SHTN1: variants seen among roughly 807,000 people sequenced by gnomAD.
SHTN1 encodes the protein shootin-1.
SHTN1 carries 42 observed loss-of-function variants against 83.1 expected under a neutral mutation model. The observed-to-expected ratio is 0.51, with a 90% CI of 0.39 to 0.65. The LOEUF is 0.65. SHTN1 is among the 30% of genes least tolerant of loss of function. SHTN1 has a pLI of 0.00. For synonymous variants in SHTN1, 224 were observed against 247.7 expected (o/e 0.90, Z 0.90); for missense variants, 622 against 737.8 (o/e 0.84, Z 1.82).
At chr10:116,908,284 TTTA>T (rs1480705017) in intron 14 of SHTN1, among the ~76,000 whole-genome samples, 1 of 152,230 alleles carries the variant, frequency 6.6e-6, no homozygotes, top group Admixed American at 6.5e-5. Flanking sequence ...TTATTTTTCA[TTTA>T]TTGTGTAAAT....
intron 1 of SHTN1, among the ~76,000 whole-genome samples, chr10:117,049,598 T>C (rs116805153): frequency 8.6e-4 from 131 of 152,294 alleles, no homozygotes; most frequent in African/African-American, 2.8e-3. Flanking sequence ...TAAATGTTTG[T>C]TGAATGAATG....
chr10:116,966,687 G>A (rs1282838526), intron 3 of SHTN1, among the ~76,000 whole-genome samples: 1 of 152,166 alleles, frequency 6.6e-6, no homozygotes, highest in East Asian at 1.9e-4. Context: ...AATGCAGGAG[G>A]CAAAGTCCCT....
At chr10:116,891,512 A>C (rs1425055655) in intron 16 of SHTN1, among the ~76,000 whole-genome samples, 1 of 152,180 alleles carries the variant, frequency 6.6e-6, no homozygotes, top group Non-Finnish European at 1.5e-5. Flanking sequence ...AGGACAGAAA[A>C]CAGAAAGATT....
intron 1 of SHTN1, among the ~76,000 whole-genome samples, chr10:117,065,711 GA>G (rs1852968111): frequency 1.3e-5 from 1 of 74,354 alleles, no homozygotes; most frequent in Non-Finnish European, 3.1e-5. Context: ...AAGCGAGAGA[GA>G]GAGAGAGAGA....
In SHTN1 at chr10:116,948,958, C is replaced by T; in HGVS notation, c.574G>A (p.Glu192Lys). Residue 192 changes from glutamate (E) to lysine (K), a missense_variant, in exon 7 of 17, where the codon GAA becomes AAA. This residue lies in a region of SHTN1 where 383 missense variants were observed against 455.8 expected (regional missense o/e 0.84). Coordinates refer to ENST00000355371, the MANE Select transcript of SHTN1 (RefSeq NM_001127211.3). ...AAGACTTTTCTCTGTTCAAGAACTT[C>T]TGAATTTAAAACAGTCTTTTCTTGT... ...VKQEKTVLNS[E>K]VLEQRKVLEK... 6.3e-7 allele frequency: 1 copy of T among 1,574,918 alleles called. No homozygotes were observed. The highest frequency in any genetic ancestry group is 8.6e-7 in the Non-Finnish European group (1 of 1,161,190).
At chr10:116,948,545 T>C (rs1338640528) in intron 7 of SHTN1, among the ~76,000 whole-genome samples, 2 of 152,166 alleles carry the variant, frequency 1.3e-5, no homozygotes, top group Non-Finnish European at 2.9e-5. Flanking sequence ...ATGTTACATG[T>C]TTTATGTAGA....
At chr10:116,899,542 TGTGTGAGA>T (rs201598011) in intron 16 of SHTN1, among the ~76,000 whole-genome samples, 6,443 of 94,544 alleles carry the variant, frequency 0.068, 198 homozygotes, top group Non-Finnish European at 0.12. Flanking sequence ...TGTGTGTGTG[TGTGTGAGA>T]GAGTGCATGC....
chr10:117,102,545 C>T (rs1298196969), intron 1 of SHTN1, among the ~76,000 whole-genome samples: 1 of 152,130 alleles, frequency 6.6e-6, no homozygotes, highest in African/African-American at 2.4e-5. Flanking sequence ...GCTCACCCTC[C>T]AGCTTCCTGT....
At chr10:117,036,213 G>C (rs1318239284) in intron 2 of SHTN1, among the ~76,000 whole-genome samples, 1 of 152,000 alleles carries the variant, frequency 6.6e-6, no homozygotes, top group East Asian at 1.9e-4. Context: ...AACCACTATG[G>C]AGAACAGTTT....
rs933824752 is a variant in SHTN1, at chr10:117,026,144, A to G, written c.-123+22301T>C. 2.0e-5 allele frequency among the ~76,000 whole-genome samples: 3 copies of G among 152,104 alleles called. No individual in the cohort carries two copies. The East Asian group carries it at 5.8e-4, about 29-fold the overall frequency. Reference sequence around the variant, plus strand: ...TCCCTGATTCCAGGTCTTGGCTCTTAGATGGCATTACTGAACCTGACCTAC... The same window carrying G: ...TCCCTGATTCCAGGTCTTGGCTCTTGGATGGCATTACTGAACCTGACCTAC... On this transcript the variant is annotated intron_variant, in intron 2 of 17. Coordinates refer to the SHTN1 transcript ENST00000392901.
chr10:117,093,988 T>G (rs1048891840), intron 1 of SHTN1, among the ~76,000 whole-genome samples: 1 of 152,212 alleles, frequency 6.6e-6, no homozygotes, highest in African/African-American at 2.4e-5. Flanking sequence ...AATATATTAT[T>G]TTTGAGAAAC....
intron 14 of SHTN1, 23 bp from the exon 15 acceptor site, chr10:116,906,770 A>G: frequency 6.3e-7 from 1 of 1,594,406 alleles, no homozygotes; most frequent in Non-Finnish European, 8.5e-7. Context: ...CAAAACAAAA[A>G]CAAAAAGGTT....
In SHTN1 at chr10:116,959,562, T is replaced by TA. The variant is rs201458515; in HGVS notation, c.267+573dup. ...CAACCCAAAATACATAAGACAGAGA[T>TA]AAAAAAAACATTCTTTAATAATAAT... On this transcript the variant is annotated intron_variant, in intron 4 of 16. Coordinates refer to ENST00000355371, the MANE Select transcript of SHTN1 (RefSeq NM_001127211.3). Among the ~76,000 whole-genome samples the TA allele has an allele frequency of 2.5e-3, 384 of 151,890 alleles. 2 individuals carry two copies. Among genetic ancestry groups the TA allele is most frequent in the African/African-American group, 8.3e-3 (345 of 41,406 alleles).
chr10:117,108,646 T>C (rs1394540353), intron 1 of SHTN1, among the ~76,000 whole-genome samples: 1 of 151,728 alleles, frequency 6.6e-6, no homozygotes, highest in Non-Finnish European at 1.5e-5. Flanking sequence ...ACATGGCACA[T>C]GTATACATAT....
chr10:117,041,352 G>C (rs1852581574), intron 2 of SHTN1, among the ~76,000 whole-genome samples: 1 of 152,056 alleles, frequency 6.6e-6, no homozygotes, highest in East Asian at 1.9e-4. Context: ...GAATTTAGTA[G>C]CTACCTATTT....
At chr10:117,037,593 CAATATCATATTG>C (rs1221275319) in intron 2 of SHTN1, among the ~76,000 whole-genome samples, 4 of 152,192 alleles carry the variant, frequency 2.6e-5, no homozygotes, top group Non-Finnish European at 5.9e-5. Flanking sequence ...CCAAAATAGC[CAATATCATATTG>C]AAGGATAAGA....
In SHTN1 at chr10:116,965,498, C is replaced by A. The variant is rs117201838; in HGVS notation, c.172+3154G>T. Among the ~76,000 whole-genome samples, 968 of 152,334 alleles carry A rather than the reference C, an allele frequency of 6.4e-3. 6 individuals are homozygous for A. Among genetic ancestry groups the A allele is most frequent in the Non-Finnish European group, 1.0e-2 (678 of 68,038 alleles). Reference sequence around the variant, plus strand: ...CGCCACTGCACTGCAGTCTGGGCAACAGAATGAGACTCCGTCTCAAAAAAA... The same window carrying A: ...CGCCACTGCACTGCAGTCTGGGCAAAAGAATGAGACTCCGTCTCAAAAAAA... On this transcript the variant is annotated intron_variant, in intron 3 of 16. Transcript: ENST00000355371.
upstream of SHTN1, among the ~76,000 whole-genome samples, chr10:117,009,960 A>G (rs556956138): frequency 1.1e-4 from 17 of 152,212 alleles, no homozygotes; most frequent in African/African-American, 4.1e-4. Flanking sequence ...GCTCAGAGAG[A>G]AATTTATAGT....
intron 2 of SHTN1, among the ~76,000 whole-genome samples, chr10:117,021,147 C>T (rs763193791): frequency 1.3e-5 from 2 of 152,132 alleles, no homozygotes; most frequent in Non-Finnish European, 2.9e-5. Flanking sequence ...CCAAGGTGGG[C>T]GGATCACCTG....
Sources: allele counts gnomAD v4.1 joint callset (sites outside exome capture counted in the v4.1 genomes callset), GRCh38; gene constraint gnomAD v4.1.1; regional missense constraint gnomAD v4.1.1; transcripts MANE v1.5; gene names NCBI Gene and HGNC (gene_info 2026-07-23, HGNC 2026-07-21).